Variants in RBFOX3 observed in about 807,000 individuals in gnomAD.
RBFOX3 encodes the protein RNA binding fox-1 homolog 3.
RBFOX3 carries 17 observed loss-of-function variants against 48.7 expected under a neutral mutation model. The ratio of observed to expected loss-of-function variants is 0.35; its 90% confidence interval spans 0.24 to 0.52. RBFOX3 has a LOEUF of 0.52. Ranked by LOEUF, RBFOX3 falls within the 20% of genes least tolerant of loss-of-function variation. The pLI is 0.94. For missense variants in RBFOX3, 382 were observed against 497.5 expected (o/e 0.77, Z 2.21); for synonymous variants, 212 against 209.5 (o/e 1.01, Z -0.10).
At chr17:79,369,393 G>C (rs542655506) in intron 2 of RBFOX3, among the ~76,000 whole-genome samples, 1 of 152,184 alleles carries the variant, frequency 6.6e-6, no homozygotes, top group Admixed American at 6.5e-5. Flanking sequence ...GACCCTTGCC[G>C]TGACTGCTGG....
chr17:79,650,198 T>TG, the RBFOX3 span, among the ~76,000 whole-genome samples: 1 of 152,114 alleles, frequency 6.6e-6, no homozygotes, highest in Non-Finnish European at 1.5e-5. Flanking sequence ...CCAACTAAAC[T>TG]GGGGGGATTC....
At chr17:79,578,002 G>T (rs970418159) in intron 1 of RBFOX3, among the ~76,000 whole-genome samples, 246 of 152,358 alleles carry the variant, frequency 1.6e-3, no homozygotes, top group South Asian at 6.8e-3. Flanking sequence ...CATCCGTTCA[G>T]CTCAGAACCC....
intron 4 of RBFOX3, among the ~76,000 whole-genome samples, chr17:79,175,441 G>A (rs1471020377): frequency 6.6e-6 from 1 of 152,230 alleles, no homozygotes; most frequent in Non-Finnish European, 1.5e-5. Flanking sequence ...TCCCAAGGCT[G>A]GCATGGAGTC....
intron 3 of RBFOX3, among the ~76,000 whole-genome samples, chr17:79,298,007 A>T (rs894115250): frequency 2.0e-5 from 3 of 152,332 alleles, no homozygotes; most frequent in East Asian, 3.9e-4. Context: ...TTCGCCATCA[A>T]GCAAATACGA....
At chr17:79,269,384 C>T (rs1049971990) in intron 3 of RBFOX3, among the ~76,000 whole-genome samples, 6 of 152,272 alleles carry the variant, frequency 3.9e-5, no homozygotes, top group South Asian at 2.1e-4. Context: ...CTCACACAGA[C>T]GCCAGGACTC....
At chr17:79,290,876 G>T (rs1013940655) in intron 3 of RBFOX3, among the ~76,000 whole-genome samples, 2 of 152,156 alleles carry the variant, frequency 1.3e-5, no homozygotes, top group African/African-American at 4.8e-5. Flanking sequence ...CCCTGGCTGC[G>T]TTCTCCCAGA....
chr17:79,485,879 T>C (rs2079517960), intron 1 of RBFOX3, among the ~76,000 whole-genome samples: 1 of 152,252 alleles, frequency 6.6e-6, no homozygotes, highest in Non-Finnish European at 1.5e-5. Context: ...GGTTTTGTTT[T>C]GACCCGAGCT....
chr17:79,525,488 C>G (rs939290617), intron 1 of RBFOX3, among the ~76,000 whole-genome samples: 4 of 152,190 alleles, frequency 2.6e-5, no homozygotes, highest in Non-Finnish European at 5.9e-5. Context: ...GGAAATGCTT[C>G]CCAGTCTTCC....
At chr17:79,520,288 C>T (rs894958066) in intron 1 of RBFOX3, among the ~76,000 whole-genome samples, 17 of 152,194 alleles carry the variant, frequency 1.1e-4, no homozygotes, top group African/African-American at 1.9e-4. Context: ...AGGGGTGGGA[C>T]GCAGGCTGCT....
At chr17:79,560,651 T>C (rs1023509209) in intron 1 of RBFOX3, among the ~76,000 whole-genome samples, 35 of 152,226 alleles carry the variant, frequency 2.3e-4, no homozygotes, top group African/African-American at 7.9e-4. Flanking sequence ...TGCCAGCCAG[T>C]GCTGTCACAG....
the RBFOX3 span, among the ~76,000 whole-genome samples, chr17:79,655,780 A>G: frequency 2.6e-5 from 4 of 152,110 alleles, no homozygotes; most frequent in East Asian, 7.7e-4. Context: ...TGACCTCAAA[A>G]TCATCCCTCA....
intron 2 of RBFOX3, among the ~76,000 whole-genome samples, chr17:79,448,890 T>C (rs1285842641): frequency 2.0e-5 from 3 of 152,036 alleles, no homozygotes; most frequent in African/African-American, 7.2e-5. Context: ...GCAGGTTCCC[T>C]GACACAGAGA....
intron 2 of RBFOX3, among the ~76,000 whole-genome samples, chr17:79,323,143 A>G (rs376369984): frequency 6.6e-6 from 1 of 152,218 alleles, no homozygotes; most frequent in East Asian, 1.9e-4. Context: ...GTGTCAAAGG[A>G]AGATTATTGA....
chr17:79,399,749 T>G (rs2062538590), intron 2 of RBFOX3, among the ~76,000 whole-genome samples: 1 of 152,228 alleles, frequency 6.6e-6, no homozygotes, highest in Non-Finnish European at 1.5e-5. Context: ...CTCAGGCAGA[T>G]GTAGCCGAGG....
intron 1 of RBFOX3, among the ~76,000 whole-genome samples, chr17:79,609,792 C>T (rs1268953950): frequency 6.6e-6 from 1 of 151,990 alleles, no homozygotes; most frequent in African/African-American, 2.4e-5. Flanking sequence ...GGAGGCTCCG[C>T]GTCCCGGGGA....
intron 8 of RBFOX3, 89 bp from the exon 9 acceptor site, chr17:79,101,733 G>T: frequency 8.4e-7 from 1 of 1,190,938 alleles, no homozygotes; most frequent in Non-Finnish European, 1.2e-6. Context: ...TGCTCCGTTA[G>T]CCCCCGGCAC....
chr17:79,618,261 A>C, the RBFOX3 span, among the ~76,000 whole-genome samples: 1 of 152,220 alleles, frequency 6.6e-6, no homozygotes, highest in Non-Finnish European at 1.5e-5. Context: ...CAGCCGGGGC[A>C]GTGGCCAGTG....
upstream of RBFOX3, among the ~76,000 whole-genome samples, chr17:79,612,535 G>A (rs1009910941): frequency 6.1e-4 from 93 of 152,290 alleles, no homozygotes; most frequent in Middle Eastern, 3.4e-3. Flanking sequence ...ACTTATGAGC[G>A]TCATGCTTTT....
At chr17:79,353,642 G>A (rs1353644791) in intron 2 of RBFOX3, among the ~76,000 whole-genome samples, 4 of 152,190 alleles carry the variant, frequency 2.6e-5, no homozygotes, top group African/African-American at 4.8e-5. Context: ...GAAAAGCCAC[G>A]TGATTCTGCA....
Sources: gnomAD v4.1 joint callset for allele counts (sites outside exome capture counted in the v4.1 genomes callset) on GRCh38, gnomAD v4.1.1 for gene constraint, MANE v1.5 for transcripts, NCBI Gene and HGNC (gene_info 2026-07-23, HGNC 2026-07-21) for gene names.